Variants in WDR87 observed in about 807,000 individuals in gnomAD.
WDR87 encodes WD repeat domain 87.
In WDR87, 56 loss-of-function variants were observed where a neutral mutation model predicts 83.3. The ratio of observed to expected loss-of-function variants is 0.67; its 90% CI spans 0.54 to 0.84. The LOEUF is 0.84. Among genes scored for constraint, WDR87 ranks in the 40% least tolerant of loss-of-function variants. The pLI is 0.00. For missense variants in WDR87, 2,939 were observed against 3,431.9 expected (o/e 0.86, Z 3.59); for synonymous variants, 1,173 against 1,250.6 (o/e 0.94, Z 1.31).
At position 37,893,101 on chromosome 19, in the gene WDR87, C is replaced by A; in HGVS notation, c.2602G>T (p.Val868Leu). 1.3e-6 allele frequency: 2 copies of A among 1,551,756 alleles called. No individual in the cohort carries two copies. Among genetic ancestry groups the A allele is most frequent in the South Asian group, 1.2e-5 (1 of 84,062 alleles). Residue 868 changes from valine to leucine, a missense_variant, in exon 4 of 6, where the codon GTA becomes TTA. By Grantham distance (32) the Val-to-Leu change is conservative. Coordinates refer to ENST00000447313, the MANE Select transcript of WDR87 (RefSeq NM_001291088.2). ...SQEFFFWHSRVRAISNTEYPK... is the reference protein window; with the variant it reads ...SQEFFFWHSRLRAISNTEYPK... ...TATTCTGTATTACTTATAGCTCTTA[C>A]CCTGCTGTGCCAGAAAAAGAATTCT...
In WDR87 at chr19:37,888,486, T is replaced by TC. The variant is rs1396782164; in HGVS notation, c.5184dup (p.Lys1729GlufsTer55). On this transcript the variant is annotated frameshift_variant, in exon 6 of 6. Transcript: ENST00000447313. LOFTEE classifies it low-confidence loss of function (END_TRUNC). ...TCCACTTTCTGGGCCAATATGTTTT[T>TC]CACCTCAGCCAGTTTCCCTCCTTTC... 1 of 1,551,898 alleles carries TC rather than the reference T, an allele frequency of 6.4e-7. No homozygotes were observed. The highest frequency in any genetic ancestry group is 8.7e-7 in the Non-Finnish European group (1 of 1,147,022).
At chr19:37,898,694 A>G (rs2046274293) in intron 1 of WDR87, among the ~76,000 whole-genome samples, 1 of 152,216 alleles carries the variant, frequency 6.6e-6, no homozygotes, top group Admixed American at 6.5e-5. Flanking sequence ...GGACCTCATG[A>G]ACCAGGACAG....
Position 37,887,025 on chromosome 19 carries a change from C to A in WDR87, c.6646G>T (p.Asp2216Tyr), listed in dbSNP as rs1005429821. The stretch of plus-strand genomic sequence containing the variant: ...TCTATTCCTCCTTCCTCTTCATCAT[C>A]CAGTATGACTTCTGAATGCTTTCTG... ...LARKHSEVIL[D>Y]DEEEGGIEEE... Residue 2216 changes from aspartate to tyrosine, a missense_variant, in exon 6 of 6, where the codon GAT becomes TAT. By Grantham distance (160) the Asp-to-Tyr change is radical. This residue lies in a region of WDR87 where 2,160 missense variants were observed against 2,533.1 expected (regional missense o/e 0.85). Coordinates refer to ENST00000447313, the MANE Select transcript of WDR87 (RefSeq NM_001291088.2). 1.3e-6 allele frequency: 2 copies of A among 1,551,956 alleles called. No individual in the cohort carries two copies. The highest frequency in any genetic ancestry group is 1.7e-6 in the Non-Finnish European group (2 of 1,147,114).
At position 37,886,157 on chromosome 19, in the gene WDR87, A is replaced by C. The variant is rs2046142724; in HGVS notation, c.7514T>G (p.Phe2505Cys). The C allele has an allele frequency of 6.4e-7, 1 of 1,551,688 alleles. No homozygotes were observed. The highest frequency in any genetic ancestry group is 1.2e-5 in the South Asian group (1 of 84,054). ...ESQAQDLKTP[F>C]MSHILRRTVE... is the part of the protein sequence containing the mutation. Reference sequence around the variant, plus strand: ...GGTCCTCCTTAATATGTGGGACATAAATGGGGTCTTTAAGTCCTGTGCTTG... The same window carrying C: ...GGTCCTCCTTAATATGTGGGACATACATGGGGTCTTTAAGTCCTGTGCTTG... Residue 2505 changes from phenylalanine (F) to cysteine (C), a missense_variant, in exon 6 of 6, where the codon TTT becomes TGT. By Grantham distance (205) the Phe-to-Cys change is radical. Around this residue, in one of 3 missense-constraint regions of WDR87, gnomAD observed 2,160 missense variants for 2,533.1 expected, o/e 0.85. Transcript: ENST00000447313.
In WDR87 at chr19:37,885,037, C is replaced by A; in HGVS notation, c.8634G>T (p.Val2878=). Residue 2878 remains valine, a synonymous_variant, in exon 6 of 6, where the codon GTG becomes GTT. Transcript: ENST00000447313. ...CTAAGATCCCATACCGGGCAATGCC[C>A]ACGGGAAGGATGGTGCGCACACAGT... is the stretch of plus-strand genomic sequence containing the variant. ...WQNCVRTILP[V]GIARYGILEL... The A allele has an allele frequency of 6.9e-7, 1 of 1,449,628 alleles. No homozygotes were observed. The allele number at this position is 1,449,628 out of a possible 1,614,324, so 89.8% of individuals were successfully genotyped here. A position where few individuals can be genotyped will look rare whatever the true frequency, so the allele number is the denominator to read the frequency against.
chr19:37,898,751 G>C (rs1389660804), intron 1 of WDR87, among the ~76,000 whole-genome samples: 1 of 152,174 alleles, frequency 6.6e-6, no homozygotes, highest in East Asian at 1.9e-4. Flanking sequence ...GCTGTTTGTA[G>C]GCTGGCCTAG....
intron 1 of WDR87, among the ~76,000 whole-genome samples, 196 bp downstream of exon 1, chr19:37,906,303 C>T (rs2046328201): frequency 6.6e-6 from 1 of 152,130 alleles, no homozygotes; most frequent in African/African-American, 2.4e-5. Flanking sequence ...CAGGAATGTG[C>T]GATCAACAAA....
chr19:37,904,764 A>G (rs551188789), intron 1 of WDR87, among the ~76,000 whole-genome samples: 187 of 152,268 alleles, frequency 1.2e-3, no homozygotes, highest in African/African-American at 4.2e-3. Context: ...TCATTTCCCA[A>G]CAGTTACTAG....
intron 1 of WDR87, among the ~76,000 whole-genome samples, chr19:37,905,461 A>AAAGT (rs10676914): frequency 0.38 from 57,180 of 151,400 alleles, 13,597 homozygotes; most frequent in East Asian, 0.7. Context: ...AAGAAAAAAA[A>AAAGT]AAGTAAATAA....
In WDR87 at chr19:37,888,612, C is replaced by T. The variant is rs2046173316; in HGVS notation, c.5059G>A (p.Gly1687Arg). The part of the protein sequence containing the change: ...AQKEETLAQR[G>R]EKLSQEAEKL... Reference sequence around the variant, plus strand: ...TCCGCCTCCTGGCTTAGCTTCTCCCCTCTTTGGGCCAGTGTTTCCTCTTTC... The same window carrying T: ...TCCGCCTCCTGGCTTAGCTTCTCCCTTCTTTGGGCCAGTGTTTCCTCTTTC... The change falls in exon 6 of 6, where the codon GGG (glycine) becomes AGG (arginine). Residue 1687 changes from glycine (G) to arginine (R), a missense_variant. By Grantham distance (125) the Gly-to-Arg change is moderately radical (BLOSUM62 -2). Around this residue, in one of 3 missense-constraint regions of WDR87, gnomAD observed 2,160 missense variants for 2,533.1 expected, o/e 0.85. Transcript: ENST00000447313. The T allele has an allele frequency of 7.7e-6, 12 of 1,551,818 alleles. No individual in the cohort carries two copies. Among genetic ancestry groups the T allele is most frequent in the Admixed American group, 2.0e-5 (1 of 50,970 alleles).
At position 37,885,019 on chromosome 19, in the gene WDR87, C is replaced by T; in HGVS notation, c.8652G>A (p.Gly2884=). ...GGCTCTTCCAGGCAAGTTCTAAGATCCCATACCGGGCAATGCCCACGGGAA... is the reference window on the plus strand; with the variant it reads ...GGCTCTTCCAGGCAAGTTCTAAGATTCCATACCGGGCAATGCCCACGGGAA... ...TILPVGIARY[G]ILELAWKSLP... is the part of the protein sequence containing the mutation. The change falls in exon 6 of 6, where the codon GGG becomes GGA. Residue 2884 remains glycine (G), a synonymous_variant. Transcript: ENST00000447313. 7.0e-7 allele frequency: 1 copy of T among 1,430,566 alleles called. No individual in the cohort carries two copies. The highest frequency in any genetic ancestry group is 9.2e-7 in the Non-Finnish European group (1 of 1,089,274). The allele number at this position is 1,430,566 out of a possible 1,614,324, so 88.6% of individuals were successfully genotyped here.
rs1599767330 is a variant in WDR87 at position 37,894,965 on chromosome 19, G to A, written c.738C>T (p.Cys246=). Residue 246 remains cysteine (C), a synonymous_variant, in exon 4 of 6, where the codon TGC becomes TGT. Coordinates refer to ENST00000447313, the MANE Select transcript of WDR87 (RefSeq NM_001291088.2). ...AGCCCTGATCAAAACAGGTGAAGCAGCAGGTGATGGAGGAGCCGCTGCTGG... is the reference window on the plus strand; with the variant it reads ...AGCCCTGATCAAAACAGGTGAAGCAACAGGTGATGGAGGAGCCGCTGCTGG... The part of the protein sequence containing the change: ...TSTSSGSSIT[C]CFTCFDQGFL... 1 of 1,551,340 alleles carries A rather than the reference G, an allele frequency of 6.4e-7. No homozygotes were observed. Among genetic ancestry groups the A allele is most frequent in the South Asian group, 1.2e-5 (1 of 84,052 alleles).
Position 37,892,905 on chromosome 19 carries a change from G to A in WDR87, c.2798C>T (p.Ser933Phe), listed in dbSNP as rs1303853745. 2.6e-6 allele frequency: 4 copies of A among 1,552,092 alleles called. No homozygotes were observed. Among genetic ancestry groups the A allele is most frequent in the Non-Finnish European group, 2.6e-6 (3 of 1,147,076 alleles). The change falls in exon 4 of 6, where the codon TCC becomes TTC. Residue 933 changes from serine to phenylalanine, a missense_variant. Around this residue, in one of 3 missense-constraint regions of WDR87, gnomAD observed 2,160 missense variants for 2,533.1 expected, o/e 0.85. Coordinates refer to ENST00000447313, the MANE Select transcript of WDR87 (RefSeq NM_001291088.2). ...AACACAGCACTGGTACTTCAGCAAGGAAGCATGGACCATAATATTGAGCAT... is the reference window on the plus strand; with the variant it reads ...AACACAGCACTGGTACTTCAGCAAGAAAGCATGGACCATAATATTGAGCAT... Reference protein sequence around the residue: ...ETMLNIMVHASLLKYQCCVGA... With the variant: ...ETMLNIMVHAFLLKYQCCVGA...
chr19:37,904,951 C>G lies in WDR87; in HGVS notation c.-47+1548G>C, dbSNP rs112204182. ...ATTTTAATTAACTTAAATTGTAGAACTGAGGCCAGGCATGGTGGCTCACGC... is the reference window on the plus strand; with the variant it reads ...ATTTTAATTAACTTAAATTGTAGAAGTGAGGCCAGGCATGGTGGCTCACGC... On this transcript the variant is annotated intron_variant, in intron 1 of 5. Coordinates refer to ENST00000447313, the MANE Select transcript of WDR87 (RefSeq NM_001291088.2). 6.1e-3 allele frequency among the ~76,000 whole-genome samples: 932 copies of G among 152,152 alleles called. 14 individuals are homozygous for G. The highest frequency in any genetic ancestry group is 0.021 in the African/African-American group (886 of 41,502).
At position 37,886,851 on chromosome 19, in the gene WDR87, C is replaced by G. The variant is rs1863401148; in HGVS notation, c.6820G>C (p.Asp2274His). 31 of 1,551,394 alleles carry G rather than the reference C, an allele frequency of 2.0e-5. No homozygotes were observed. The highest frequency in any genetic ancestry group is 2.6e-5 in the Non-Finnish European group (30 of 1,146,982). Residue 2274 changes from aspartate to histidine, a missense_variant, in exon 6 of 6, where the codon GAT becomes CAT. Physicochemically the swap from Asp to His is moderately conservative, Grantham distance 81 (BLOSUM62 -1). Transcript: ENST00000447313. ...AAACTCTCTTGCTTTTCTAGTTCAT[C>G]TAACAGGCTTTCCATTTCTTCAGAA... is the stretch of plus-strand genomic sequence containing the variant. Reference protein sequence around the residue: ...HFSEEMESLLDELEKQESLSS... With the variant: ...HFSEEMESLLHELEKQESLSS...
intron 1 of WDR87, among the ~76,000 whole-genome samples, chr19:37,899,915 C>T (rs1007210795): frequency 6.6e-6 from 1 of 152,234 alleles, no homozygotes; most frequent in Non-Finnish European, 1.5e-5. Flanking sequence ...TGAACCGTTG[C>T]ACCTTGCTTC....
chr19:37,893,155 G>A lies in WDR87; in HGVS notation c.2548C>T (p.Gln850Ter), dbSNP rs772386857. The part of the protein sequence containing the change: ...IYLQCNLHAP[Q>*]RELEWDRSQE... ...GACCTGTCCCATTCCAGCTCCCGCT[G>A]GGGTGCATGCAGGTTGCACTGTAGG... The change falls in exon 4 of 6, where the codon CAG becomes TAG. Residue 850 changes from glutamine (Q) to a stop codon, truncating the protein, a stop_gained. Transcript: ENST00000447313. LOFTEE classifies it high-confidence loss of function. 3 of 1,551,950 alleles carry A rather than the reference G, an allele frequency of 1.9e-6. No individual in the cohort carries two copies. The South Asian group carries it at 3.6e-5, about 18-fold the overall frequency.
chr19:37,898,049 T>A, intron 2 of WDR87, 116 bp downstream of exon 2: 1 of 1,232,802 alleles, frequency 8.1e-7, no homozygotes, highest in Non-Finnish European at 1.1e-6. Flanking sequence ...GTGACTATAG[T>A]ATACCCTGTT....
intron 1 of WDR87, among the ~76,000 whole-genome samples, chr19:37,905,942 G>A (rs1352636341): frequency 1.3e-5 from 2 of 151,768 alleles, no homozygotes; most frequent in African/African-American, 4.9e-5. Flanking sequence ...TTTCTCTTGT[G>A]TCTCCATAAT....
Sources: allele counts gnomAD v4.1 joint callset (sites outside exome capture counted in the v4.1 genomes callset), GRCh38; gene constraint gnomAD v4.1.1; regional missense constraint gnomAD v4.1.1; transcripts MANE v1.5; gene names NCBI Gene and HGNC (gene_info 2026-07-23, HGNC 2026-07-21).